Variants in ADAMTS19 observed in about 807,000 individuals in gnomAD.
The protein encoded by ADAMTS19 is A disintegrin and metalloproteinase with thrombospondin motifs 19.
Under a neutral mutation model 153.3 loss-of-function variants are expected in ADAMTS19, and 93 were observed. That is an observed-to-expected ratio of 0.61 (90% CI 0.51 to 0.72). ADAMTS19 has a LOEUF of 0.72. Ranked by LOEUF, ADAMTS19 falls within the 30% of genes least tolerant of loss-of-function variation. The probability of loss-of-function intolerance (pLI) is 0.00; values close to 1 mark genes in which losing one functional copy is unlikely to be tolerated. For missense variants in ADAMTS19, 1,482 were observed against 1,552.1 expected (o/e 0.95, Z 0.76); for synonymous variants, 600 against 556.6 (o/e 1.08, Z -1.10).
intron 10 of ADAMTS19, among the ~76,000 whole-genome samples, chr5:129,638,272 G>C (rs1282148184): frequency 2.0e-5 from 3 of 152,060 alleles, no homozygotes; most frequent in Non-Finnish European, 4.4e-5. Context: ...TGTGATTATA[G>C]AATTGTTCAC....
At chr5:129,471,402 G>C (rs1308169065) in intron 2 of ADAMTS19, among the ~76,000 whole-genome samples, 1 of 148,776 alleles carries the variant, frequency 6.7e-6, no homozygotes, top group Non-Finnish European at 1.5e-5. Context: ...GAGAGGGATA[G>C]GGAGGGAAGG....
intron 6 of ADAMTS19, among the ~76,000 whole-genome samples, chr5:129,550,001 GATATACATATACATGTATATGTA>G (rs1188387285): frequency 1.1e-4 from 13 of 123,154 alleles, no homozygotes; most frequent in Non-Finnish European, 1.7e-4. Flanking sequence ...TATGTATCTA[GATATACATATACATGTATATGTA>G]TATCTAGATA....
intron 6 of ADAMTS19, among the ~76,000 whole-genome samples, chr5:129,549,617 A>C (rs1031111839): frequency 6.6e-6 from 1 of 151,624 alleles, no homozygotes. Flanking sequence ...ATGGAATTTT[A>C]ACAGTCTTTT....
chr5:129,553,553 T>C (rs1753209457), intron 7 of ADAMTS19, among the ~76,000 whole-genome samples: 1 of 152,140 alleles, frequency 6.6e-6, no homozygotes, highest in Non-Finnish European at 1.5e-5. Flanking sequence ...TTCAAATAAA[T>C]CAGTTTTAAA....
chr5:129,659,682 A>G (rs981252282), intron 15 of ADAMTS19, among the ~76,000 whole-genome samples: 2 of 152,062 alleles, frequency 1.3e-5, no homozygotes, highest in African/African-American at 4.8e-5. Context: ...CCATGCTCAA[A>G]CAATCCCCCC....
At position 129,737,151 on chromosome 5, in the gene ADAMTS19, G is replaced by A. The variant is rs1290467557; in HGVS notation, c.3575G>A (p.Arg1192Gln). 3.7e-6 allele frequency: 6 copies of A among 1,611,766 alleles called. No individual in the cohort carries two copies. The highest frequency in any genetic ancestry group is 2.7e-5 in the African/African-American group (2 of 74,798). The change falls in exon 23 of 23, where the codon CGG becomes CAG. Residue 1192 changes from arginine (R) to glutamine (Q), a missense_variant. Physicochemically the swap from Arg to Gln is conservative, Grantham distance 43. Transcript: ENST00000274487. ...IREKNLCQDM[R>Q]WYQRCCETCR... ...GAAAAGAACCTATGTCAGGACATGC[G>A]GTGGTATCAGCGCTGCTGTGAAACA...
intron 2 of ADAMTS19, among the ~76,000 whole-genome samples, chr5:129,478,570 A>G (rs78736675): frequency 0.013 from 1,986 of 152,290 alleles, 43 homozygotes; most frequent in African/African-American, 0.045. Flanking sequence ...TTTTAGAAAC[A>G]GGGTCTTGCT....
chr5:129,613,658 T>G, intron 8 of ADAMTS19, among the ~76,000 whole-genome samples: 1 of 152,050 alleles, frequency 6.6e-6, no homozygotes. Flanking sequence ...ATTCAAAAGC[T>G]AGCAGAAGGC....
Position 129,679,815 on chromosome 5 carries a change from A to C in ADAMTS19, c.2558A>C (p.His853Pro), listed in dbSNP as rs767337934. 2 of 1,613,628 alleles carry C rather than the reference A, an allele frequency of 1.2e-6. No homozygotes were observed. Among genetic ancestry groups the C allele is most frequent in the East Asian group, 4.5e-5 (2 of 44,846 alleles). Residue 853 changes from histidine (H) to proline (P), a missense_variant, in exon 17 of 23, where the codon CAC becomes CCC. By Grantham distance (77) the His-to-Pro change is moderately conservative (BLOSUM62 -2). Around this residue, in one of 2 missense-constraint regions of ADAMTS19, gnomAD observed 616 missense variants for 724.4 expected, o/e 0.85. Transcript: ENST00000274487. Reference protein sequence around the residue: ...QSINSDWKIEHSGAFNLAGTT... With the variant: ...QSINSDWKIEPSGAFNLAGTT... ...ATTAATAGTGACTGGAAGATTGAAC[A>C]CTCTGGAGCCTTCAATTTGGCTGGA...
At chr5:129,523,997 T>C (rs1216842316) in intron 3 of ADAMTS19, among the ~76,000 whole-genome samples, 1 of 152,102 alleles carries the variant, frequency 6.6e-6, no homozygotes, top group Non-Finnish European at 1.5e-5. Flanking sequence ...ATAGCTCGTA[T>C]AGCCAAGACA....
chr5:129,703,971 T>C (rs1487796991), intron 20 of ADAMTS19, among the ~76,000 whole-genome samples: 2 of 152,210 alleles, frequency 1.3e-5, no homozygotes, highest in Non-Finnish European at 2.9e-5. Flanking sequence ...TTTATCTTTC[T>C]TAAATAATCC....
intron 14 of ADAMTS19, 130 bp from the exon 15 acceptor site, chr5:129,658,487 A>G: frequency 1.1e-6 from 1 of 903,000 alleles, no homozygotes. Flanking sequence ...ATGACATTTT[A>G]TAATATGACA....
chr5:129,579,362 C>T (rs895565650), intron 7 of ADAMTS19, among the ~76,000 whole-genome samples: 5 of 152,100 alleles, frequency 3.3e-5, no homozygotes, highest in Admixed American at 3.3e-4. Flanking sequence ...GGATAGATTG[C>T]AAAAATGTTG....
chr5:129,506,324 A>C (rs1751267603), intron 2 of ADAMTS19, among the ~76,000 whole-genome samples: 2 of 152,166 alleles, frequency 1.3e-5, no homozygotes, highest in South Asian at 4.1e-4. Flanking sequence ...GAGTTGGAAC[A>C]CAGTGGTCAG....
intron 7 of ADAMTS19, among the ~76,000 whole-genome samples, chr5:129,582,996 T>TGG (rs1408838099): frequency 2.0e-5 from 3 of 152,326 alleles, no homozygotes; most frequent in African/African-American, 7.2e-5. Flanking sequence ...TGCAGTTTCT[T>TGG]CATAGTGTTG....
At chr5:129,640,588 C>A (rs1276186914) in intron 10 of ADAMTS19, among the ~76,000 whole-genome samples, 1 of 152,082 alleles carries the variant, frequency 6.6e-6, no homozygotes, top group African/African-American at 2.4e-5. Flanking sequence ...TTTTTCCCTA[C>A]AAACATAAAG....
rs985820443 is a variant in ADAMTS19 at position 129,551,758 on chromosome 5, A to G, written c.1329-106A>G. On this transcript the variant is annotated intron_variant, in intron 6 of 22. Coordinates refer to ENST00000274487, the MANE Select transcript of ADAMTS19 (RefSeq NM_133638.6). ...CAGTTTTATTAGATTCTTGGAGATG[A>G]CAGATGTGCTTCAATTAATCATATA... 3 of 644,318 alleles carry G rather than the reference A, an allele frequency of 4.7e-6. No individual in the cohort carries two copies. The African/African-American group carries it at 5.8e-5, about 12-fold the overall frequency. The allele number at this position is 644,318 out of a possible 1,614,324, so 39.9% of individuals were successfully genotyped here.
At chr5:129,709,968 T>C (rs1756361862) in intron 21 of ADAMTS19, among the ~76,000 whole-genome samples, 1 of 152,166 alleles carries the variant, frequency 6.6e-6, no homozygotes, top group Non-Finnish European at 1.5e-5. Context: ...TTTTCTTTTT[T>C]TTTTTTAATT....
intron 4 of ADAMTS19, among the ~76,000 whole-genome samples, chr5:129,527,534 T>C (rs536015071): frequency 6.6e-6 from 1 of 150,950 alleles, no homozygotes; most frequent in Admixed American, 6.6e-5. Context: ...GTCAGTTATA[T>C]ATTTTCTAAT....
Sources: allele counts gnomAD v4.1 joint callset (sites outside exome capture counted in the v4.1 genomes callset), GRCh38; gene constraint gnomAD v4.1.1; regional missense constraint gnomAD v4.1.1; transcripts MANE v1.5; gene names NCBI Gene and HGNC (gene_info 2026-07-23, HGNC 2026-07-21).